Variants in PPM1B observed in about 807,000 individuals in gnomAD.
The protein encoded by PPM1B is protein phosphatase, Mg2+/Mn2+ dependent 1B.
In PPM1B, 22 loss-of-function variants were observed where a neutral mutation model predicts 43.0. The observed-to-expected ratio is 0.51, with a 90% confidence interval of 0.37 to 0.73. The LOEUF (loss-of-function observed/expected upper bound fraction) is 0.73. PPM1B is among the 30% of genes least tolerant of loss of function. PPM1B has a pLI of 0.00. For synonymous variants in PPM1B, 217 were observed against 197.9 expected (o/e 1.10, Z -0.81); for missense variants, 632 against 584.2 (o/e 1.08, Z -0.84).
At chr2:44,235,294 T>C (rs923491427), downstream of PPM1B, among the ~76,000 whole-genome samples, 1 of 152,208 alleles carries the variant, frequency 6.6e-6, no homozygotes, top group African/African-American at 2.4e-5. Flanking sequence ...TGATCCGTTA[T>C]TCTGCAATGA....
chr2:44,223,215 T>G (rs1232535152), intron 5 of PPM1B, among the ~76,000 whole-genome samples: 1 of 152,168 alleles, frequency 6.6e-6, no homozygotes, highest in African/African-American at 2.4e-5. Context: ...TCAGTTATTT[T>G]TCACTTAAAT....
chr2:44,175,200 G>C (rs1190593513), intron 1 of PPM1B, among the ~76,000 whole-genome samples: 2 of 152,170 alleles, frequency 1.3e-5, no homozygotes, highest in Non-Finnish European at 2.9e-5. Context: ...GTTCAACCCA[G>C]CTGAAATCGC....
chr2:44,174,209 A>G (rs369117373), intron 1 of PPM1B, among the ~76,000 whole-genome samples: 31 of 152,186 alleles, frequency 2.0e-4, no homozygotes, highest in Admixed American at 5.9e-4. Flanking sequence ...AAATTGATTC[A>G]TTTCTTGAAA....
At chr2:44,189,393 A>G (rs1268071056) in intron 1 of PPM1B, among the ~76,000 whole-genome samples, 2 of 152,174 alleles carry the variant, frequency 1.3e-5, no homozygotes, top group African/African-American at 2.4e-5. Flanking sequence ...TGAACGTACT[A>G]TGAGTTCTCA....
chr2:44,188,515 C>G (rs1012089568), intron 1 of PPM1B, among the ~76,000 whole-genome samples: 1 of 151,746 alleles, frequency 6.6e-6, no homozygotes, highest in Admixed American at 6.6e-5. Context: ...CCCATCTCAG[C>G]CTCCTGAATT....
downstream of PPM1B, chr2:44,232,221 T>G (rs1670488417): frequency 1.3e-6 from 2 of 1,515,056 alleles, no homozygotes; most frequent in East Asian, 4.5e-5. Flanking sequence ...GAAAGGAAGG[T>G]AATTTGTTCA....
intron 3 of PPM1B, 105 bp downstream of exon 3, chr2:44,209,432 A>C (rs1669351882): frequency 2.1e-6 from 1 of 483,434 alleles, no homozygotes. Context: ...GCTCTGTCTC[A>C]AAAAAAAAAA....
In PPM1B at chr2:44,230,438, G is replaced by C. The variant is rs201053962; in HGVS notation, c.1160G>C (p.Gly387Ala). ...DGASDEAEES[G>A]SQGKLVEALR... is the part of the protein sequence containing the mutation. Reference sequence around the variant, plus strand: ...GCCTCCGATGAAGCAGAGGAAAGTGGATCACAGGGAAAATTGGTGGAAGCT... The same window carrying C: ...GCCTCCGATGAAGCAGAGGAAAGTGCATCACAGGGAAAATTGGTGGAAGCT... The change falls in exon 6 of 6, where the codon GGA (glycine) becomes GCA (alanine). Residue 387 changes from glycine to alanine, a missense_variant. By Grantham distance (60) the Gly-to-Ala change is moderately conservative (BLOSUM62 0). Around this residue, in one of 3 missense-constraint regions of PPM1B, gnomAD observed 392 missense variants for 302.7 expected, o/e 1.29. Transcript: ENST00000282412. 5 of 1,614,152 alleles carry C rather than the reference G, an allele frequency of 3.1e-6. No homozygotes were observed. In the South Asian group the frequency reaches 5.5e-5, roughly 18 times the overall value.
intron 5 of PPM1B, among the ~76,000 whole-genome samples, chr2:44,228,129 G>T (rs920853433): frequency 6.7e-6 from 1 of 149,792 alleles, no homozygotes; most frequent in African/African-American, 2.5e-5. Flanking sequence ...TCACCATCTT[G>T]GCCAGGCTGG....
intron 1 of PPM1B, among the ~76,000 whole-genome samples, chr2:44,194,128 G>GT (rs1201149310): frequency 1.3e-5 from 2 of 151,856 alleles, no homozygotes; most frequent in Non-Finnish European, 2.9e-5. Context: ...TCCTTGCATG[G>GT]TTTTTTCCTT....
At chr2:44,244,324 C>G (rs755780686) in exon 6 of PPM1B, 2 of 1,360,918 alleles carry the variant, frequency 1.5e-6, no homozygotes, top group East Asian at 4.6e-5. Flanking sequence ...CAGAAGCACG[C>G]GGACAAAAAG....
chr2:44,195,349 A>T (rs1338477307), intron 1 of PPM1B, among the ~76,000 whole-genome samples: 1 of 152,070 alleles, frequency 6.6e-6, no homozygotes, highest in African/African-American at 2.4e-5. Flanking sequence ...TGCTGCAGGC[A>T]TACGCCACCA....
chr2:44,232,830 C>A (rs533775271), downstream of PPM1B: 114 of 973,444 alleles, frequency 1.2e-4, 1 homozygote, highest in African/African-American at 1.9e-3. Context: ...TGAGCAATTT[C>A]TATAGGATAT....
At chr2:44,190,661 G>A (rs889252498) in intron 1 of PPM1B, among the ~76,000 whole-genome samples, 14 of 152,106 alleles carry the variant, frequency 9.2e-5, no homozygotes, top group South Asian at 6.2e-4. Context: ...ATTTGTAAGC[G>A]TTAGACCAGG....
chr2:44,199,324 T>TAA, intron 1 of PPM1B, among the ~76,000 whole-genome samples: 1 of 74,692 alleles, frequency 1.3e-5, no homozygotes, highest in African/African-American at 4.8e-5. Context: ...AAAATAAAAA[T>TAA]AAAAAAAAAA....
chr2:44,234,291 C>T (rs1670549093), downstream of PPM1B: 25 of 865,114 alleles, frequency 2.9e-5, no homozygotes, highest in South Asian at 5.3e-5. Flanking sequence ...GAGGCCAAGG[C>T]GGGTGGATCA....
At chr2:44,192,184 T>TG (rs1486729664) in intron 1 of PPM1B, among the ~76,000 whole-genome samples, 492 of 145,966 alleles carry the variant, frequency 3.4e-3, no homozygotes, top group African/African-American at 0.01. Flanking sequence ...TGTTATGTTA[T>TG]GTTATGGTAT....
chr2:44,190,168 T>G lies in PPM1B; in HGVS notation c.-14-11018T>G, dbSNP rs926711313. Among the ~76,000 whole-genome samples the G allele has an allele frequency of 2.7e-5, 4 of 150,678 alleles. No homozygotes were observed. In the East Asian group the frequency reaches 7.8e-4, roughly 29 times the overall value. ...TGAGTTTATTTGATTTTTTTTTTTT[T>G]TTTTTTTGAGACCGTCTTGCCCTGT... On this transcript the variant is annotated intron_variant, in intron 1 of 5. Transcript: ENST00000282412.
intron 1 of PPM1B, among the ~76,000 whole-genome samples, chr2:44,192,358 C>G (rs1668448474): frequency 6.6e-6 from 1 of 151,986 alleles, no homozygotes; most frequent in Non-Finnish European, 1.5e-5. Context: ...GCTGGGATTA[C>G]AGCCCACAAA....
Sources: gnomAD v4.1 joint callset for allele counts (sites outside exome capture counted in the v4.1 genomes callset) on GRCh38, gnomAD v4.1.1 for gene constraint, gnomAD v4.1.1 regional missense constraint, MANE v1.5 for transcripts, NCBI Gene and HGNC (gene_info 2026-07-23, HGNC 2026-07-21) for gene names.